Variants in TDRP observed in about 807,000 individuals in gnomAD.
TDRP encodes testis development related protein.
TDRP carries 12 observed loss-of-function variants against 10.5 expected under a neutral mutation model. That is an observed-to-expected ratio of 1.15 (90% CI 0.73 to 1.86). TDRP has a LOEUF of 1.86. Among genes scored for constraint, TDRP ranks in the 40% most tolerant of loss-of-function variants. TDRP has a pLI of 0.00. For synonymous variants in TDRP, 139 were observed against 95.4 expected (o/e 1.46, Z -2.67); for missense variants, 353 against 229.2 (o/e 1.54, Z -3.49).
intron 1 of TDRP, among the ~76,000 whole-genome samples, chr8:498,995 A>G (rs1801212594): frequency 6.6e-6 from 1 of 152,160 alleles, no homozygotes; most frequent in African/African-American, 2.4e-5. Context: ...CTGTGAGTCA[A>G]TTAAACCTCT....
intron 1 of TDRP, among the ~76,000 whole-genome samples, chr8:532,396 G>T (rs903968594): frequency 6.6e-6 from 1 of 152,166 alleles, no homozygotes; most frequent in South Asian, 2.1e-4. Flanking sequence ...GCAAGATGAT[G>T]AACCCATCAC....
At chr8:524,431 T>C (rs1801984744) in intron 1 of TDRP, among the ~76,000 whole-genome samples, 1 of 151,848 alleles carries the variant, frequency 6.6e-6, no homozygotes, top group Non-Finnish European at 1.5e-5. Context: ...CAGGAAAACA[T>C]AACCTCACCA....
chr8:501,805 C>T (rs895200250), intron 1 of TDRP, among the ~76,000 whole-genome samples: 5 of 152,228 alleles, frequency 3.3e-5, no homozygotes, highest in Admixed American at 2.0e-4. Flanking sequence ...GACGGTTTGC[C>T]GTTATCAACC....
At chr8:506,978 A>G (rs112914071) in intron 1 of TDRP, among the ~76,000 whole-genome samples, 1 of 152,276 alleles carries the variant, frequency 6.6e-6, no homozygotes, top group South Asian at 2.1e-4. Flanking sequence ...ATTATAAAGG[A>G]AAGAGGTTTA....
chr8:504,186 C>A (rs1253303441), intron 1 of TDRP, among the ~76,000 whole-genome samples: 1 of 152,222 alleles, frequency 6.6e-6, no homozygotes, highest in Non-Finnish European at 1.5e-5. Context: ...CTGTCAGATG[C>A]CAGCTGTGTG....
intron 1 of TDRP, among the ~76,000 whole-genome samples, chr8:514,694 C>G (rs1391947388): frequency 1.3e-5 from 2 of 152,164 alleles, no homozygotes; most frequent in Admixed American, 1.3e-4. Context: ...ACCTCAGTGC[C>G]TCAGTGGGGA....
chr8:532,776 A>C (rs979722625), intron 1 of TDRP, among the ~76,000 whole-genome samples: 6 of 152,176 alleles, frequency 3.9e-5, no homozygotes, highest in African/African-American at 7.2e-5. Flanking sequence ...CTTTAGTCTA[A>C]ACTAAGGGTC....
At chr8:498,613 G>A (rs1563116795) in intron 1 of TDRP, among the ~76,000 whole-genome samples, 1 of 152,168 alleles carries the variant, frequency 6.6e-6, no homozygotes, top group Non-Finnish European at 1.5e-5. Flanking sequence ...GTTAATGCTG[G>A]AATGAGTTAA....
At chr8:519,989 T>C (rs1345330709) in intron 1 of TDRP, among the ~76,000 whole-genome samples, 1 of 152,180 alleles carries the variant, frequency 6.6e-6, no homozygotes, top group Non-Finnish European at 1.5e-5. Context: ...TAAATGCGTG[T>C]AAGGCACAGA....
rs551084789 is a variant in TDRP at position 513,863 on chromosome 8, C to G, written c.109-19266G>C. On this transcript the variant is annotated intron_variant, in intron 1 of 2. Transcript: ENST00000324079. The stretch of plus-strand genomic sequence containing the variant: ...TTCTTACACACCAGCAAGGAACAAT[C>G]CAAAAGTGAAATTAAGAAAGCAATT... Among the ~76,000 whole-genome samples, 24 of 152,204 alleles carry G rather than the reference C, an allele frequency of 1.6e-4. No homozygotes were observed. In the South Asian group the frequency reaches 5.0e-3, roughly 32 times the overall value.
intron 1 of TDRP, among the ~76,000 whole-genome samples, chr8:521,155 C>G (rs1303215316): frequency 6.7e-6 from 1 of 149,534 alleles, no homozygotes; most frequent in Non-Finnish European, 1.5e-5. Context: ...GTAATCCCAG[C>G]ACTTTGGGAG....
intron 1 of TDRP, among the ~76,000 whole-genome samples, chr8:530,064 T>C (rs1458952837): frequency 6.6e-6 from 1 of 152,160 alleles, no homozygotes; most frequent in Admixed American, 6.5e-5. Flanking sequence ...TTTCATTTTT[T>C]TTTTCTGATT....
chr8:530,499 GAGA>G (rs1473162811), intron 1 of TDRP, among the ~76,000 whole-genome samples: 2 of 152,126 alleles, frequency 1.3e-5, no homozygotes, highest in African/African-American at 2.4e-5. Context: ...CTTGGTACAG[GAGA>G]AGAACTTCAC....
chr8:524,153 C>G (rs948314363), intron 1 of TDRP, among the ~76,000 whole-genome samples: 12 of 152,200 alleles, frequency 7.9e-5, no homozygotes, highest in African/African-American at 2.9e-4. Flanking sequence ...AGAGTTTCTG[C>G]CTGGTAATCC....
At chr8:526,266 A>G (rs571538894) in intron 1 of TDRP, among the ~76,000 whole-genome samples, 11 of 152,230 alleles carry the variant, frequency 7.2e-5, no homozygotes, top group African/African-American at 2.6e-4. Flanking sequence ...TCAAAGTGCT[A>G]GAATTACAGA....
intron 1 of TDRP, 92 bp from the exon 2 acceptor site, chr8:494,689 A>T (rs1245398966): frequency 2.2e-5 from 25 of 1,158,880 alleles, no homozygotes; most frequent in Non-Finnish European, 3.1e-5. Context: ...TGAAATTTAG[A>T]AAAAAGAATT....
intron 1 of TDRP, among the ~76,000 whole-genome samples, chr8:502,688 C>G (rs536233577): frequency 1.3e-5 from 2 of 149,446 alleles, no homozygotes; most frequent in Non-Finnish European, 3.0e-5. Flanking sequence ...AGCCACACAC[C>G]GGAACCCATG....
At position 494,374 on chromosome 8, in the gene TDRP, G is replaced by T. The variant is rs1033784827; in HGVS notation, c.212+120C>A. ...GGAGTGGGGAGGGAAACATGGACTC[G>T]CCGCGCCCCACAATGCCTCCAGTTA... On this transcript the variant is annotated intron_variant, in intron 2 of 2. Coordinates refer to ENST00000324079, the MANE Select transcript of TDRP (RefSeq NM_001384899.1). 6 of 887,282 alleles carry T rather than the reference G, an allele frequency of 6.8e-6. No homozygotes were observed. The East Asian group carries it at 1.1e-4, about 16-fold the overall frequency. 55.0% of individuals were successfully genotyped at this position (887,282 alleles called of 1,614,324 possible). A position where few individuals can be genotyped will look rare whatever the true frequency, so the allele number is the denominator to read the frequency against.
intron 1 of TDRP, among the ~76,000 whole-genome samples, chr8:528,558 G>A (rs1584366): frequency 0.64 from 95,412 of 148,940 alleles, 32,951 homozygotes; most frequent in Middle Eastern, 0.68. Context: ...CATAAGATCT[G>A]GTACTTGACA....
Sources: gnomAD v4.1 joint callset for allele counts (sites outside exome capture counted in the v4.1 genomes callset) on GRCh38, gnomAD v4.1.1 for gene constraint, MANE v1.5 for transcripts, NCBI Gene and HGNC (gene_info 2026-07-23, HGNC 2026-07-21) for gene names.